The following TMEM232 variants were observed in gnomAD, a reference collection of about 807,000 sequenced individuals.
The protein encoded by TMEM232 is transmembrane protein 232.
TMEM232 carries 80 observed loss-of-function variants against 78.8 expected under a neutral mutation model. The observed-to-expected ratio is 1.01, with a 90% CI of 0.85 to 1.22. TMEM232 has a LOEUF of 1.22. Among genes scored for constraint, TMEM232 ranks in the 50% most tolerant of loss-of-function variants. The pLI, the probability that TMEM232 is intolerant of heterozygous loss-of-function variation, is 0.00. For missense variants in TMEM232, 881 were observed against 742.2 expected (o/e 1.19, Z -2.17); for synonymous variants, 297 against 254.3 (o/e 1.17, Z -1.60).
At chr5:110,535,778 C>T (rs73783617) in intron 11 of TMEM232, among the ~76,000 whole-genome samples, 5,900 of 152,140 alleles carry the variant, frequency 0.039, 178 homozygotes, top group African/African-American at 0.081. Context: ...TTTGGTAAAA[C>T]ACACTGTAAT....
At chr5:110,531,523 C>T (rs949990053) in intron 11 of TMEM232, among the ~76,000 whole-genome samples, 2 of 152,182 alleles carry the variant, frequency 1.3e-5, no homozygotes, top group African/African-American at 4.8e-5. Flanking sequence ...CACTATCCCT[C>T]AATCTCTTTC....
chr5:110,431,545 T>C (rs1561486555), intron 12 of TMEM232, among the ~76,000 whole-genome samples: 4 of 151,584 alleles, frequency 2.6e-5, no homozygotes, highest in African/African-American at 7.3e-5. Context: ...CAGAATTCAA[T>C]AAAAAATGAT....
intron 2 of TMEM232, among the ~76,000 whole-genome samples, chr5:110,663,601 G>T (rs934316605): frequency 6.6e-6 from 1 of 151,876 alleles, no homozygotes; most frequent in Non-Finnish European, 1.5e-5. Context: ...GATATACCAT[G>T]TTTCTAAACT....
chr5:110,606,179 C>T lies in TMEM232; in HGVS notation c.1011G>A (p.Met337Ile), dbSNP rs770852975. The T allele has an allele frequency of 1.2e-5, 19 of 1,547,264 alleles. No individual in the cohort carries two copies. The highest frequency in any genetic ancestry group is 7.3e-5 in the East Asian group (3 of 40,828). Residue 337 changes from methionine (M) to isoleucine (I), a missense_variant, in exon 9 of 14, where the codon ATG becomes ATA. Met to Ile is a conservative substitution (Grantham distance 10, BLOSUM62 1). Coordinates refer to ENST00000455884, the MANE Select transcript of TMEM232 (RefSeq NM_001039763.4). ...GCAATGTTACCTGATTTTGAACAGACATAATGCTTGAAACAAAATCTCTCA... is the reference window on the plus strand; with the variant it reads ...GCAATGTTACCTGATTTTGAACAGATATAATGCTTGAAACAAAATCTCTCA... ...DVVRDFVSSI[M>I]SVQNQEESCK...
chr5:110,433,550 T>C (rs377009856), intron 12 of TMEM232, among the ~76,000 whole-genome samples: 1 of 151,924 alleles, frequency 6.6e-6, no homozygotes, highest in Middle Eastern at 3.4e-3. Context: ...CTCATACCTA[T>C]AAGAACTAGA....
intron 1 of TMEM232, among the ~76,000 whole-genome samples, chr5:110,690,588 C>A (rs1393041417): frequency 6.6e-6 from 1 of 152,042 alleles, no homozygotes; most frequent in African/African-American, 2.4e-5. Flanking sequence ...GATCTAGAAC[C>A]AGAAATACTA....
chr5:110,503,752 A>G (rs1290051814), intron 12 of TMEM232, among the ~76,000 whole-genome samples: 3 of 152,154 alleles, frequency 2.0e-5, no homozygotes, highest in East Asian at 3.8e-4. Flanking sequence ...CAAGTCTTAA[A>G]CATTTGCTGA....
chr5:110,528,522 C>G, intron 12 of TMEM232, 66 bp downstream of exon 12: 1 of 1,386,182 alleles, frequency 7.2e-7, no homozygotes, highest in Non-Finnish European at 9.4e-7. Flanking sequence ...ACATAATTAT[C>G]TATAATTTCT....
chr5:110,717,493 T>C (rs1490525264), intron 1 of TMEM232, among the ~76,000 whole-genome samples: 1 of 152,134 alleles, frequency 6.6e-6, no homozygotes, highest in Non-Finnish European at 1.5e-5. Context: ...TCAAATCCCA[T>C]CTGACAACAA....
chr5:110,522,257 AT>A (rs1769637178), intron 12 of TMEM232, among the ~76,000 whole-genome samples: 1 of 152,028 alleles, frequency 6.6e-6, no homozygotes, highest in Non-Finnish European at 1.5e-5. Flanking sequence ...AACAGATTTT[AT>A]TTGTTGACTC....
intron 10 of TMEM232, among the ~76,000 whole-genome samples, chr5:110,583,571 T>A (rs1308242145): frequency 1.3e-5 from 2 of 151,886 alleles, no homozygotes; most frequent in Non-Finnish European, 2.9e-5. Context: ...AAATTGGTTT[T>A]AGCAATGATT....
intron 1 of TMEM232, among the ~76,000 whole-genome samples, chr5:110,696,153 G>A (rs1177303173): frequency 2.0e-5 from 3 of 152,080 alleles, no homozygotes; most frequent in East Asian, 1.9e-4. Flanking sequence ...TTCACCATAC[G>A]AAAATCAATA....
intron 12 of TMEM232, among the ~76,000 whole-genome samples, chr5:110,473,286 T>C (rs1227266990): frequency 6.6e-6 from 1 of 151,744 alleles, no homozygotes; most frequent in African/African-American, 2.4e-5. Context: ...TGAATGGATA[T>C]TTTTCAAAAG....
At chr5:110,684,253 TGAAAA>T (rs1455286857) in intron 1 of TMEM232, among the ~76,000 whole-genome samples, 6 of 151,804 alleles carry the variant, frequency 4.0e-5, no homozygotes, top group Non-Finnish European at 8.8e-5. Context: ...TATAAATACA[TGAAAA>T]GAAGAGGGAC....
At chr5:110,467,078 GA>G (rs926685582) in intron 12 of TMEM232, among the ~76,000 whole-genome samples, 2 of 151,584 alleles carry the variant, frequency 1.3e-5, no homozygotes. Context: ...GTTATAATCA[GA>G]AAAAAAATTT....
chr5:110,507,715 T>C (rs1767085998), intron 12 of TMEM232, among the ~76,000 whole-genome samples: 1 of 152,194 alleles, frequency 6.6e-6, no homozygotes. Context: ...CTTCTTTCTG[T>C]ATTTAATTTA....
At chr5:110,720,156 C>T (rs1024093625) in intron 1 of TMEM232, among the ~76,000 whole-genome samples, 1 of 152,086 alleles carries the variant, frequency 6.6e-6, no homozygotes. Context: ...TTCCCCTGGG[C>T]AGTCTCCAAG....
At chr5:110,653,408 T>C (rs79095632) in intron 2 of TMEM232, among the ~76,000 whole-genome samples, 2,135 of 152,264 alleles carry the variant, frequency 0.014, 32 homozygotes, top group African/African-American at 0.037. Context: ...GCTGTAAAAC[T>C]GTTAGTTATA....
chr5:110,595,147 C>T lies in TMEM232; in HGVS notation c.1276+9962G>A, dbSNP rs112868177. On this transcript the variant is annotated intron_variant, in intron 10 of 13. Transcript: ENST00000455884. ...CAGGCATACAGGGTCTGGAGTGGACCTCCAGCAAACTCCAGCAGACGTGCA... is the reference window on the plus strand; with the variant it reads ...CAGGCATACAGGGTCTGGAGTGGACTTCCAGCAAACTCCAGCAGACGTGCA... Among the ~76,000 whole-genome samples, 583 of 152,300 alleles carry T rather than the reference C, an allele frequency of 3.8e-3. 2 individuals are homozygous for T. Among genetic ancestry groups the T allele is most frequent in the African/African-American group, 0.013 (540 of 41,568 alleles).
Sources: allele counts gnomAD v4.1 joint callset (sites outside exome capture counted in the v4.1 genomes callset), GRCh38; gene constraint gnomAD v4.1.1; transcripts MANE v1.5; gene names NCBI Gene and HGNC (gene_info 2026-07-23, HGNC 2026-07-21).